Variants in GOSR2 observed in about 807,000 individuals in gnomAD.
GOSR2 encodes the protein golgi SNAP receptor complex member 2, also known as 27 kDa Golgi SNARE protein.
In GOSR2, 20 loss-of-function variants were observed where a neutral mutation model predicts 27.9. The observed-to-expected ratio is 0.72, with a 90% CI of 0.50 to 1.04. GOSR2 has a LOEUF of 1.04. Among genes scored for constraint, GOSR2 ranks in the 50% least tolerant of loss-of-function variants. The probability of loss-of-function intolerance (pLI) is 0.00; values close to 1 mark genes in which losing one functional copy is unlikely to be tolerated. For synonymous variants in GOSR2, 91 were observed against 98.8 expected (o/e 0.92, Z 0.47); for missense variants, 261 against 270.5 (o/e 0.97, Z 0.25).
intron 6 of GOSR2, among the ~76,000 whole-genome samples, chr17:46,960,824 G>A (rs995717806): frequency 1.3e-5 from 2 of 152,190 alleles, no homozygotes; most frequent in African/African-American, 4.8e-5. Context: ...ACAAAGAACA[G>A]ATCAGTAGTT....
At chr17:46,936,293 A>C in intron 5 of GOSR2, 1 of 985,280 alleles carries the variant, frequency 1.0e-6, no homozygotes, top group Non-Finnish European at 1.2e-6. Flanking sequence ...ACCAAACTCC[A>C]TGTCACACTG....
Position 46,923,913 on chromosome 17 carries a change from G to A in GOSR2, c.29+692G>A, listed in dbSNP as rs2086102013. 3 of 395,898 alleles carry A rather than the reference G, an allele frequency of 7.6e-6. No homozygotes were observed. The South Asian group carries it at 3.8e-4, about 51-fold the overall frequency. 24.5% of individuals were successfully genotyped at this position (395,898 alleles called of 1,614,324 possible). A position where few individuals can be genotyped will look rare whatever the true frequency, so the allele number is the denominator to read the frequency against. ...CTTACCCTATTTTTGGGGGCGGGGG[G>A]CAGAATTATGATTTTTACCCTGTTT... On this transcript the variant is annotated intron_variant, in intron 1 of 5. Coordinates refer to ENST00000640051, the MANE Select transcript of GOSR2 (RefSeq NM_004287.5).
In GOSR2 at chr17:46,939,847, C is replaced by CAA; in HGVS notation, c.*1088_*1089dup. 1 of 989,854 alleles carries CAA rather than the reference C, an allele frequency of 1.0e-6. No individual in the cohort carries two copies. Among genetic ancestry groups the CAA allele is most frequent in the Non-Finnish European group, 1.2e-6 (1 of 832,042 alleles). The allele number at this position is 989,854 out of a possible 1,614,324, so 61.3% of individuals were successfully genotyped here. On this transcript the variant is annotated 3_prime_UTR_variant, in exon 6 of 6. Transcript: ENST00000640051. ...ATATTGTGGAATTTAGTATAAAGGC[C>CAA]AATCTGTCCTGAAGTCCATCTAATG...
downstream of GOSR2, among the ~76,000 whole-genome samples, chr17:46,970,554 A>C (rs563691667): frequency 6.3e-4 from 96 of 151,326 alleles, 2 homozygotes; most frequent in South Asian, 0.012. Flanking sequence ...AAAAAAAAAA[A>C]AAAAAACTCA....
intron 1 of GOSR2, among the ~76,000 whole-genome samples, chr17:46,926,962 C>G (rs918769246): frequency 2.0e-5 from 3 of 152,180 alleles, no homozygotes; most frequent in Admixed American, 6.5e-5. Flanking sequence ...ATGCTTTATT[C>G]TACTAGTTAT....
At chr17:46,946,598 C>G (rs2089918803), downstream of GOSR2, among the ~76,000 whole-genome samples, 1 of 151,976 alleles carries the variant, frequency 6.6e-6, no homozygotes, top group African/African-American at 2.4e-5. Context: ...CATGGTGGCT[C>G]CCACCTTTAA....
chr17:46,935,346 G>A (rs2146979409), intron 5 of GOSR2, 177 bp downstream of exon 5: 1 of 1,469,156 alleles, frequency 6.8e-7, no homozygotes, highest in Non-Finnish European at 9.0e-7. Flanking sequence ...GAGCCTGAAA[G>A]TACCCAGTTC....
downstream of GOSR2, among the ~76,000 whole-genome samples, chr17:46,969,470 C>T (rs930031370): frequency 1.1e-4 from 16 of 152,168 alleles, no homozygotes; most frequent in African/African-American, 2.7e-4. Flanking sequence ...GAGAGAGCTG[C>T]ACAGGACCCC....
intron 6 of GOSR2, chr17:46,949,265 CTG>C (rs1654928874): frequency 6.6e-6 from 1 of 152,262 alleles, no homozygotes; most frequent in Non-Finnish European, 1.5e-5. Context: ...GAGCCCTGGA[CTG>C]GGGCTATCCT....
At position 46,940,634 on chromosome 17, in the gene GOSR2, G is replaced by T; in HGVS notation, c.*1874G>T. 6.2e-7 allele frequency: 1 copy of T among 1,613,982 alleles called. No individual in the cohort carries two copies. The highest frequency in any genetic ancestry group is 8.5e-7 in the Non-Finnish European group (1 of 1,180,012). Reference sequence around the variant, plus strand: ...GCTGAGCCATTTGTTCTTGAACTCTGGGAGGCAGAAGTCCCCGCACCCATC... The same window carrying T: ...GCTGAGCCATTTGTTCTTGAACTCTTGGAGGCAGAAGTCCCCGCACCCATC... On this transcript the variant is annotated 3_prime_UTR_variant, in exon 6 of 6. Coordinates refer to ENST00000640051, the MANE Select transcript of GOSR2 (RefSeq NM_004287.5).
downstream of GOSR2, among the ~76,000 whole-genome samples, chr17:46,943,127 G>T (rs2089486293): frequency 6.6e-6 from 1 of 152,192 alleles, no homozygotes; most frequent in African/African-American, 2.4e-5. Context: ...TCTAATACAA[G>T]AACATCAACC....
intron 4 of GOSR2, 146 bp downstream of exon 4, chr17:46,932,345 A>G (rs1250514572): frequency 8.0e-6 from 7 of 873,364 alleles, no homozygotes; most frequent in Non-Finnish European, 1.3e-5. Flanking sequence ...AACTTTGTGC[A>G]TTGCCACAGA....
chr17:46,939,024 G>A lies in GOSR2; in HGVS notation c.*264G>A, dbSNP rs1173159954. 3.8e-6 allele frequency: 5 copies of A among 1,302,384 alleles called. No individual in the cohort carries two copies. Among genetic ancestry groups the A allele is most frequent in the Non-Finnish European group, 9.9e-7 (1 of 1,014,150 alleles). 80.7% of individuals were successfully genotyped at this position (1,302,384 alleles called of 1,614,324 possible). ...GTCTCTCTCACTCTCGCTCTCACTG[G>A]GGGAGGGAAAGAATGGCTTTGGTGG... is the stretch of plus-strand genomic sequence containing the variant. On this transcript the variant is annotated 3_prime_UTR_variant, in exon 6 of 6. Transcript: ENST00000640051.
chr17:46,955,329 C>A lies in GOSR2; in HGVS notation c.584-11205C>A, dbSNP rs11651174. Among the ~76,000 whole-genome samples the A allele has an allele frequency of 6.0e-3, 910 of 151,180 alleles. 4 individuals carry two copies. The highest frequency in any genetic ancestry group is 0.021 in the African/African-American group (863 of 41,142). ...ATGCTGGATTACGTTTATTGATTTTCGTATGTTGAACCAGCCTTGCATCCC... is the reference window on the plus strand; with the variant it reads ...ATGCTGGATTACGTTTATTGATTTTAGTATGTTGAACCAGCCTTGCATCCC... On this transcript the variant is annotated intron_variant, in intron 6 of 6. Coordinates refer to the GOSR2 transcript ENST00000573224.
At chr17:46,936,777 CG>C (rs1199531076) in intron 5 of GOSR2, 2 of 981,420 alleles carry the variant, frequency 2.0e-6, no homozygotes, top group South Asian at 4.7e-5. Context: ...GTCACTATCT[CG>C]GGGAAAAAAA....
intron 2 of GOSR2, chr17:46,929,861 A>C: frequency 5.0e-6 from 2 of 403,606 alleles, no homozygotes; most frequent in South Asian, 2.7e-5. Flanking sequence ...TAATCTAATT[A>C]CCTAGTCCTT....
intron 5 of GOSR2, 22 bp downstream of exon 5, chr17:46,935,191 A>G: frequency 1.9e-6 from 3 of 1,613,374 alleles, no homozygotes; most frequent in Non-Finnish European, 2.5e-6. Flanking sequence ...GCTGGGGGAC[A>G]GAGAGAAGGC....
intron 6 of GOSR2, among the ~76,000 whole-genome samples, chr17:46,950,143 G>T (rs1246919138): frequency 6.6e-6 from 1 of 152,228 alleles, no homozygotes; most frequent in Admixed American, 6.5e-5. Flanking sequence ...TTTCTCAGTT[G>T]TTGCCTTTCC....
Position 46,939,406 on chromosome 17 carries a change from T to C in GOSR2, c.*646T>C, listed in dbSNP as rs2088941472. 1.0e-6 allele frequency: 1 copy of C among 994,862 alleles called. No individual in the cohort carries two copies. The highest frequency in any genetic ancestry group is 1.2e-6 in the Non-Finnish European group (1 of 834,380). 61.6% of individuals were successfully genotyped at this position (994,862 alleles called of 1,614,324 possible). A position where few individuals can be genotyped will look rare whatever the true frequency, so the allele number is the denominator to read the frequency against. ...CACACTACAGCTGGGTGTTTCTCTTTTCTAAAGTGAGGCCAGTGTTATTTC... is the reference window on the plus strand; with the variant it reads ...CACACTACAGCTGGGTGTTTCTCTTCTCTAAAGTGAGGCCAGTGTTATTTC... On this transcript the variant is annotated 3_prime_UTR_variant, in exon 6 of 6. Coordinates refer to ENST00000640051, the MANE Select transcript of GOSR2 (RefSeq NM_004287.5).
Sources: allele counts gnomAD v4.1 joint callset (sites outside exome capture counted in the v4.1 genomes callset), GRCh38; gene constraint gnomAD v4.1.1; transcripts MANE v1.5; gene names NCBI Gene and HGNC (gene_info 2026-07-23, HGNC 2026-07-21).